Variants in GRM7 observed in about 807,000 individuals in gnomAD.
The protein encoded by GRM7 is metabotropic glutamate receptor 7.
Under a neutral mutation model 84.5 loss-of-function variants are expected in GRM7, and 35 were observed. The ratio of observed to expected loss-of-function variants is 0.41; its 90% CI spans 0.32 to 0.55. The LOEUF is 0.55. Ranked by LOEUF, GRM7 falls within the 20% of genes least tolerant of loss-of-function variation. The probability of loss-of-function intolerance (pLI) is 0.19; values close to 1 mark genes in which losing one functional copy is unlikely to be tolerated. For synonymous variants in GRM7, 487 were observed against 455.1 expected, an observed-to-expected ratio of 1.07 and a Z score of -0.89; for missense variants, 1,003 against 1,194.6, an observed-to-expected ratio of 0.84 and a Z score of 2.36.
intron 8 of GRM7, among the ~76,000 whole-genome samples, chr3:7,658,885 A>C (rs1322770216): frequency 6.6e-6 from 1 of 152,234 alleles, no homozygotes; most frequent in Non-Finnish European, 1.5e-5. Context: ...ATTTATAAAA[A>C]GATAATAAAA....
chr3:6,973,274 C>T (rs1433936035), intron 1 of GRM7, among the ~76,000 whole-genome samples: 1 of 151,746 alleles, frequency 6.6e-6, no homozygotes, highest in Non-Finnish European at 1.5e-5. Flanking sequence ...TCATTCATTC[C>T]TTCTTTCTTT....
intron 2 of GRM7, among the ~76,000 whole-genome samples, chr3:7,263,234 G>T (rs1462354826): frequency 6.6e-6 from 1 of 152,102 alleles, no homozygotes; most frequent in Non-Finnish European, 1.5e-5. Flanking sequence ...TCTTACTCTG[G>T]GGGACTGGTA....
chr3:6,974,545 G>A (rs989522492), intron 1 of GRM7, among the ~76,000 whole-genome samples: 7 of 152,158 alleles, frequency 4.6e-5, no homozygotes, highest in African/African-American at 1.7e-4. Flanking sequence ...AGGGTATCAG[G>A]GAAGGCTGCT....
chr3:7,310,834 GC>G (rs1450540638), intron 4 of GRM7, among the ~76,000 whole-genome samples: 1 of 149,658 alleles, frequency 6.7e-6, no homozygotes, highest in Non-Finnish European at 1.5e-5. Flanking sequence ...CTATCCAAGT[GC>G]CATTTAGCCT....
chr3:7,647,189 CT>C, intron 8 of GRM7, among the ~76,000 whole-genome samples: 1 of 152,312 alleles, frequency 6.6e-6, no homozygotes, highest in South Asian at 2.1e-4. Flanking sequence ...TGGAAAACCT[CT>C]TTTTCCTCAT....
At chr3:7,656,788 GA>G (rs1699223532) in intron 8 of GRM7, among the ~76,000 whole-genome samples, 1 of 152,044 alleles carries the variant, frequency 6.6e-6, no homozygotes, top group South Asian at 2.1e-4. Flanking sequence ...AGAGGTTCTA[GA>G]AAAACAAATA....
At chr3:6,967,643 G>T (rs1269486711) in intron 1 of GRM7, among the ~76,000 whole-genome samples, 3 of 152,152 alleles carry the variant, frequency 2.0e-5, no homozygotes, top group Admixed American at 2.0e-4. Context: ...CTTTTGGAGG[G>T]TATTTTTCCT....
At chr3:7,253,616 TAAAAAAA>T (rs138776034) in intron 2 of GRM7, among the ~76,000 whole-genome samples, 4,040 of 121,184 alleles carry the variant, frequency 0.033, 125 homozygotes, top group African/African-American at 0.091. Flanking sequence ...AAACTCCATC[TAAAAAAA>T]AAAAAAAAAA....
intron 4 of GRM7, among the ~76,000 whole-genome samples, chr3:7,380,486 G>C (rs986702012): frequency 6.6e-6 from 1 of 152,140 alleles, no homozygotes; most frequent in African/African-American, 2.4e-5. Context: ...GTGCATCATT[G>C]GTTGATTCTG....
At chr3:7,111,272 A>G (rs542850852) in intron 1 of GRM7, among the ~76,000 whole-genome samples, 1 of 152,232 alleles carries the variant, frequency 6.6e-6, no homozygotes, top group East Asian at 1.9e-4. Flanking sequence ...ATGCATTTGA[A>G]TTGGTTACTT....
intron 2 of GRM7, among the ~76,000 whole-genome samples, chr3:7,176,883 C>G (rs1386180796): frequency 2.0e-5 from 3 of 152,190 alleles, no homozygotes; most frequent in African/African-American, 7.2e-5. Context: ...TCATGTCATG[C>G]AAAGTCCTAG....
intron 5 of GRM7, among the ~76,000 whole-genome samples, chr3:7,432,568 C>T (rs201426820): frequency 2.6e-5 from 4 of 151,940 alleles, no homozygotes; most frequent in East Asian, 1.9e-4. Context: ...GCAATCTTCC[C>T]GCCTGTGCCT....
At chr3:7,441,107 C>A (rs1042964853) in intron 5 of GRM7, among the ~76,000 whole-genome samples, 1 of 152,108 alleles carries the variant, frequency 6.6e-6, no homozygotes, top group Non-Finnish European at 1.5e-5. Flanking sequence ...GTTTACATTC[C>A]CACCAGCAGT....
intron 1 of GRM7, among the ~76,000 whole-genome samples, chr3:6,892,084 C>G (rs886349528): frequency 6.6e-6 from 1 of 152,218 alleles, no homozygotes; most frequent in African/African-American, 2.4e-5. Flanking sequence ...TCAGCTCCAT[C>G]AGCTCCTTTA....
In GRM7 at chr3:7,087,723, T is replaced by C. The variant is rs114311881; in HGVS notation, c.520-58729T>C. On this transcript the variant is annotated intron_variant, in intron 1 of 9. Transcript: ENST00000357716. The stretch of plus-strand genomic sequence containing the variant: ...GCTCTCTAGGGCAGGTGTTTTATAG[T>C]TGTGGTACGAGGACTCTGTAGCAAA... 8.8e-3 allele frequency among the ~76,000 whole-genome samples: 1,340 copies of C among 152,292 alleles called. 17 individuals carry two copies. Among genetic ancestry groups the C allele is most frequent in the African/African-American group, 0.029 (1,223 of 41,568 alleles).
At chr3:6,940,165 C>T (rs1166921910) in intron 1 of GRM7, among the ~76,000 whole-genome samples, 1 of 152,104 alleles carries the variant, frequency 6.6e-6, no homozygotes, top group Non-Finnish European at 1.5e-5. Flanking sequence ...AATCGTGGCT[C>T]ACTGCAGACT....
intron 4 of GRM7, among the ~76,000 whole-genome samples, chr3:7,399,964 GAAGAC>G (rs1000435285): frequency 6.6e-6 from 1 of 152,126 alleles, no homozygotes. Flanking sequence ...AAAAACGCAC[GAAGAC>G]AAGTACCTAC....
intron 2 of GRM7, among the ~76,000 whole-genome samples, chr3:7,164,974 C>A (rs1352635903): frequency 6.6e-6 from 1 of 152,188 alleles, no homozygotes; most frequent in Non-Finnish European, 1.5e-5. Context: ...ATGTCTTCCA[C>A]AGTGGAAAAA....
chr3:6,956,160 C>T (rs1261585813), intron 1 of GRM7, among the ~76,000 whole-genome samples: 2 of 152,100 alleles, frequency 1.3e-5, no homozygotes, highest in Non-Finnish European at 1.5e-5. Flanking sequence ...GCAATTCAGG[C>T]GGGAAAATAA....
Sources: allele counts gnomAD v4.1 joint callset (sites outside exome capture counted in the v4.1 genomes callset), GRCh38; gene constraint gnomAD v4.1.1; transcripts MANE v1.5; gene names NCBI Gene and HGNC (gene_info 2026-07-23, HGNC 2026-07-21).